LAMA2: variants seen among roughly 807,000 people sequenced by gnomAD.
The protein encoded by LAMA2 is laminin subunit alpha-2.
Under a neutral mutation model 364.8 loss-of-function variants are expected in LAMA2, and 269 were observed. The observed-to-expected ratio is 0.74, with a 90% confidence interval of 0.67 to 0.82. The LOEUF (loss-of-function observed/expected upper bound fraction) is 0.82. Among genes scored for constraint, LAMA2 ranks in the 40% least tolerant of loss-of-function variants. The pLI, the probability that LAMA2 is intolerant of heterozygous loss-of-function variation, is 0.00. For synonymous variants in LAMA2, 1,379 were observed against 1,370.6 expected (o/e 1.01, Z -0.14); for missense variants, 3,807 against 3,873.2 (o/e 0.98, Z 0.45).
intron 2 of LAMA2, among the ~76,000 whole-genome samples, chr6:129,055,409 G>A (rs1256628335): frequency 6.6e-6 from 1 of 151,896 alleles, no homozygotes; most frequent in African/African-American, 2.4e-5. Context: ...GGCCAGGCTG[G>A]TCTTGAACTC....
intron 20 of LAMA2, among the ~76,000 whole-genome samples, chr6:129,296,105 A>G (rs1188152429): frequency 1.3e-5 from 2 of 151,926 alleles, no homozygotes; most frequent in African/African-American, 4.8e-5. Flanking sequence ...ACAGGATTTT[A>G]ATTCTTGCAT....
At chr6:128,933,702 T>C (rs1779635860) in intron 1 of LAMA2, among the ~76,000 whole-genome samples, 1 of 152,242 alleles carries the variant, frequency 6.6e-6, no homozygotes, top group Non-Finnish European at 1.5e-5. Flanking sequence ...AATATACCTG[T>C]TGGCCATTTG....
Position 129,391,507 on chromosome 6 carries a change from T to A in LAMA2, c.5088T>A (p.Ala1696=), listed in dbSNP as rs1779317877. The A allele has an allele frequency of 1.2e-6, 2 of 1,613,830 alleles. No individual in the cohort carries two copies. Among genetic ancestry groups the A allele is most frequent in the African/African-American group, 2.7e-5 (2 of 75,034 alleles). ...ARDAEAVNEK[A]IKLNETLGTR... is the part of the protein sequence containing the mutation. ...CCCCTGCAGCTGTAAATGAAAAAGC[T>A]ATAAAACTAAATGAAACTCTAGGAA... The change falls in exon 36 of 65, where the codon GCT becomes GCA. Residue 1696 remains alanine (A), a synonymous_variant. Coordinates refer to ENST00000421865, the MANE Select transcript of LAMA2 (RefSeq NM_000426.4).
intron 64 of LAMA2, among the ~76,000 whole-genome samples, chr6:129,515,778 T>TAACTA (rs1392536774): frequency 2.6e-5 from 4 of 152,214 alleles, no homozygotes; most frequent in Non-Finnish European, 5.9e-5. Context: ...TCATATGTTA[T>TAACTA]AACTATTAAA....
chr6:128,922,849 G>A (rs929890169), intron 1 of LAMA2, among the ~76,000 whole-genome samples: 101 of 152,186 alleles, frequency 6.6e-4, no homozygotes, highest in Middle Eastern at 3.4e-3. Flanking sequence ...TAGGTCTAAC[G>A]TTTAATTCTT....
intron 16 of LAMA2, among the ~76,000 whole-genome samples, chr6:129,269,222 A>C (rs2114351907): frequency 6.6e-6 from 1 of 152,234 alleles, no homozygotes; most frequent in African/African-American, 2.4e-5. Flanking sequence ...TAAGCCAGGA[A>C]GTATTCAATG....
Position 129,098,379 on chromosome 6 carries a change from A to G in LAMA2, c.603A>G (p.Ser201=). The G allele has an allele frequency of 6.2e-7, 1 of 1,614,034 alleles. No individual in the cohort carries two copies. Among genetic ancestry groups the G allele is most frequent in the Non-Finnish European group, 8.5e-7 (1 of 1,179,960 alleles). The part of the protein sequence containing the change: ...YAKDDEVICT[S]FYSKIHPLEN... ...AAGATGATGAGGTCATCTGCACTTC[A>G]TTTTACTCCAAGATACACCCCTTAG... Residue 201 remains serine (S), a synonymous_variant, in exon 4 of 65, where the codon TCA becomes TCG. Coordinates refer to ENST00000421865, the MANE Select transcript of LAMA2 (RefSeq NM_000426.4).
At chr6:129,185,545 C>A (rs2115027213) in intron 10 of LAMA2, among the ~76,000 whole-genome samples, 1 of 151,824 alleles carries the variant, frequency 6.6e-6, no homozygotes, top group East Asian at 1.9e-4. Flanking sequence ...AAAATTGGTT[C>A]TTTGGGAACA....
intron 1 of LAMA2, among the ~76,000 whole-genome samples, chr6:128,965,967 T>G (rs545406083): frequency 4.0e-5 from 6 of 148,396 alleles, no homozygotes; most frequent in African/African-American, 1.5e-4. Flanking sequence ...AATATTAACA[T>G]GTAAACCAGA....
intron 14 of LAMA2, among the ~76,000 whole-genome samples, chr6:129,255,554 T>G (rs896169363): frequency 2.0e-5 from 3 of 152,206 alleles, no homozygotes; most frequent in Admixed American, 2.0e-4. Context: ...TTTGGAGTTG[T>G]TACCACAGCA....
chr6:128,998,749 G>A (rs1216093056), intron 1 of LAMA2, among the ~76,000 whole-genome samples: 1 of 20,252 alleles, frequency 4.9e-5, no homozygotes, highest in Admixed American at 4.5e-4. Flanking sequence ...AGGGTCCTAC[G>A]CCCACGGAAT....
intron 1 of LAMA2, among the ~76,000 whole-genome samples, chr6:129,006,728 A>C (rs1784459473): frequency 6.6e-6 from 1 of 152,142 alleles, no homozygotes; most frequent in Non-Finnish European, 1.5e-5. Flanking sequence ...CATCGTGTCC[A>C]GTATAAAATC....
At chr6:129,302,880 C>G (rs1773632839) in intron 22 of LAMA2, among the ~76,000 whole-genome samples, 1 of 152,124 alleles carries the variant, frequency 6.6e-6, no homozygotes, top group Non-Finnish European at 1.5e-5. Context: ...GTCATAAAAT[C>G]AGGTATTGTA....
chr6:129,083,702 G>A (rs916003908), intron 3 of LAMA2, among the ~76,000 whole-genome samples: 2 of 152,150 alleles, frequency 1.3e-5, no homozygotes, highest in African/African-American at 4.8e-5. Context: ...CAAAGTAGAT[G>A]TAGGTTCTCT....
intron 41 of LAMA2, among the ~76,000 whole-genome samples, chr6:129,438,336 G>T (rs1781935836): frequency 6.6e-6 from 1 of 151,744 alleles, no homozygotes; most frequent in African/African-American, 2.4e-5. Context: ...ATTACAAATG[G>T]AATAAAAGAC....
intron 4 of LAMA2, among the ~76,000 whole-genome samples, chr6:129,138,135 C>T (rs1362757229): frequency 3.3e-5 from 5 of 151,684 alleles, no homozygotes; most frequent in Non-Finnish European, 5.9e-5. Context: ...GATTCAGTGA[C>T]CATCTAGTAG....
chr6:129,284,652 T>A (rs1203490562), intron 18 of LAMA2, among the ~76,000 whole-genome samples: 1 of 152,146 alleles, frequency 6.6e-6, no homozygotes, highest in African/African-American at 2.4e-5. Flanking sequence ...CAAAAGTTGC[T>A]GAAAAAATGA....
intron 1 of LAMA2, among the ~76,000 whole-genome samples, chr6:128,933,333 C>G (rs1417413666): frequency 6.6e-6 from 1 of 151,632 alleles, no homozygotes; most frequent in Non-Finnish European, 1.5e-5. Flanking sequence ...GATACTTAGG[C>G]CATTTATTTA....
chr6:129,315,529 G>A lies in LAMA2; in HGVS notation c.3609G>A (p.Gln1203=). 6.2e-7 allele frequency: 1 copy of A among 1,614,176 alleles called. No individual in the cohort carries two copies. The highest frequency in any genetic ancestry group is 8.5e-7 in the Non-Finnish European group (1 of 1,179,998). The change falls in exon 25 of 65, where the codon CAG becomes CAA. Residue 1203 remains glutamine, a synonymous_variant. Coordinates refer to ENST00000421865, the MANE Select transcript of LAMA2 (RefSeq NM_000426.4). ...TILPLVDEAL[Q]HTTTKGIVFQ... ...TACCCCTGGTAGATGAGGCTCTGCA[G>A]CACACGACCACCAAGGGCATTGTTT...
Sources: allele counts gnomAD v4.1 joint callset (sites outside exome capture counted in the v4.1 genomes callset), GRCh38; gene constraint gnomAD v4.1.1; transcripts MANE v1.5; gene names NCBI Gene and HGNC (gene_info 2026-07-23, HGNC 2026-07-21).